Variants in NDFIP2 observed in about 807,000 individuals in gnomAD.
NDFIP2 encodes NEDD4 family-interacting protein 2.
A neutral mutation model predicts 36.0 loss-of-function variants in NDFIP2; 19 were observed. That is an observed-to-expected ratio of 0.53 (90% CI 0.37 to 0.77). NDFIP2 has a LOEUF of 0.77. NDFIP2 is among the 30% of genes least tolerant of loss of function. NDFIP2 has a pLI of 0.00. For synonymous variants in NDFIP2, 181 were observed against 167.7 expected (o/e 1.08, Z -0.61); for missense variants, 446 against 435.8 (o/e 1.02, Z -0.21).
chr13:79,500,094 G>A (rs1420380913), intron 1 of NDFIP2, among the ~76,000 whole-genome samples: 1 of 150,942 alleles, frequency 6.6e-6, no homozygotes, highest in Non-Finnish European at 1.5e-5. Flanking sequence ...TTTTAACAAA[G>A]GAGTAAAGGC....
In NDFIP2 at chr13:79,518,148, C is replaced by T. The variant is rs76123456; in HGVS notation, c.322-2662C>T. Reference sequence around the variant, plus strand: ...CCATGTAGTAGGAAGACATGGGAGACGGATGGTAATACCAAGTGCAACATG... The same window carrying T: ...CCATGTAGTAGGAAGACATGGGAGATGGATGGTAATACCAAGTGCAACATG... On this transcript the variant is annotated intron_variant, in intron 1 of 7. Coordinates refer to ENST00000218652, the MANE Select transcript of NDFIP2 (RefSeq NM_019080.3). Among the ~76,000 whole-genome samples the T allele has an allele frequency of 6.5e-3, 983 of 152,200 alleles. 13 individuals carry two copies. Among genetic ancestry groups the T allele is most frequent in the African/African-American group, 0.022 (933 of 41,538 alleles).
At chr13:79,526,067 A>G (rs1355816048) in intron 2 of NDFIP2, among the ~76,000 whole-genome samples, 2 of 152,210 alleles carry the variant, frequency 1.3e-5, no homozygotes, top group Non-Finnish European at 2.9e-5. Context: ...TGGAGCTGCT[A>G]AAACTTCAGA....
chr13:79,519,656 G>A (rs73551599), intron 1 of NDFIP2, among the ~76,000 whole-genome samples: 4,649 of 152,258 alleles, frequency 0.031, 247 homozygotes, highest in African/African-American at 0.11. Context: ...AGGTTGTTGT[G>A]GAGATTCAGT....
intron 1 of NDFIP2, among the ~76,000 whole-genome samples, chr13:79,491,985 T>A (rs557256536): frequency 2.6e-5 from 4 of 152,348 alleles, no homozygotes; most frequent in African/African-American, 9.6e-5. Flanking sequence ...CTTTTAAGAT[T>A]TGTTTGAACA....
At chr13:79,512,216 A>G (rs1874105853) in intron 1 of NDFIP2, among the ~76,000 whole-genome samples, 1 of 152,224 alleles carries the variant, frequency 6.6e-6, no homozygotes, top group South Asian at 2.1e-4. Flanking sequence ...TTATCATTAT[A>G]TTGTCAATGC....
intron 4 of NDFIP2, among the ~76,000 whole-genome samples, chr13:79,540,195 T>C (rs1302891076): frequency 6.6e-6 from 1 of 152,222 alleles, no homozygotes; most frequent in African/African-American, 2.4e-5. Context: ...ACAGATATTC[T>C]GGGCAACTGG....
intron 1 of NDFIP2, among the ~76,000 whole-genome samples, chr13:79,500,938 A>G (rs1873642699): frequency 6.6e-6 from 1 of 152,118 alleles, no homozygotes; most frequent in South Asian, 2.1e-4. Context: ...TGAATAGGTG[A>G]ATGGATAAAC....
chr13:79,502,151 A>G (rs1379176472), intron 1 of NDFIP2, among the ~76,000 whole-genome samples: 1 of 152,168 alleles, frequency 6.6e-6, no homozygotes, highest in Non-Finnish European at 1.5e-5. Context: ...AGGCGTAAAG[A>G]GATTAATAAC....
At chr13:79,533,859 C>T (rs1237876792) in intron 3 of NDFIP2, among the ~76,000 whole-genome samples, 1 of 152,104 alleles carries the variant, frequency 6.6e-6, no homozygotes, top group Non-Finnish European at 1.5e-5. Context: ...AAATTTTCTA[C>T]CGCATGCAGG....
rs1250596136 is a variant in NDFIP2, at chr13:79,507,563, C to T, written c.322-13247C>T. On this transcript the variant is annotated intron_variant, in intron 1 of 7. Coordinates refer to ENST00000218652, the MANE Select transcript of NDFIP2 (RefSeq NM_019080.3). ...TGCTGGGATTACAGGCGTGAGCCAC[C>T]GCGCCCGGCCTCTGATTGAGTTTTT... Among the ~76,000 whole-genome samples, 10 of 18,348 alleles carry T rather than the reference C, an allele frequency of 5.5e-4. 4 individuals carry two copies. The allele number at this position is 18,348 out of a possible 152,430, so 12.0% of individuals were successfully genotyped here.
At chr13:79,512,126 C>T (rs1016350830) in intron 1 of NDFIP2, among the ~76,000 whole-genome samples, 1 of 152,126 alleles carries the variant, frequency 6.6e-6, no homozygotes, top group African/African-American at 2.4e-5. Context: ...ACATGCAAAT[C>T]AGAAACTTTC....
chr13:79,550,119 C>A (rs1308216281), intron 6 of NDFIP2, among the ~76,000 whole-genome samples: 2 of 151,664 alleles, frequency 1.3e-5, no homozygotes, highest in African/African-American at 4.8e-5. Flanking sequence ...TGGATCCCCC[C>A]CACCCTGTTT....
In NDFIP2 at chr13:79,535,165, A is replaced by G. The variant is rs755348261; in HGVS notation, c.621+1709A>G. ...AGAACACATATATTTGTAAATGAAC[A>G]TGCACATCTCTCAGTGAAGTAGATT... On this transcript the variant is annotated intron_variant, in intron 3 of 7. Coordinates refer to ENST00000218652, the MANE Select transcript of NDFIP2 (RefSeq NM_019080.3). Among the ~76,000 whole-genome samples the G allele has an allele frequency of 3.3e-5, 5 of 152,212 alleles. No individual in the cohort carries two copies. In the South Asian group the frequency reaches 6.2e-4, roughly 19 times the overall value.
intron 3 of NDFIP2, 41 bp downstream of exon 3, chr13:79,533,497 G>A (rs372910231): frequency 8.6e-5 from 132 of 1,534,744 alleles, no homozygotes; most frequent in Admixed American, 4.0e-4. Context: ...AATTATTTTC[G>A]TTAATTGATA....
intron 1 of NDFIP2, among the ~76,000 whole-genome samples, chr13:79,484,792 A>G (rs1484609454): frequency 6.6e-6 from 1 of 152,212 alleles, no homozygotes; most frequent in Non-Finnish European, 1.5e-5. Flanking sequence ...TTTTAAAGCC[A>G]TCTGGGCTTA....
chr13:79,532,438 C>T (rs1037383868), intron 2 of NDFIP2, among the ~76,000 whole-genome samples: 2 of 152,146 alleles, frequency 1.3e-5, no homozygotes, highest in Non-Finnish European at 2.9e-5. Context: ...GTCAGTGACT[C>T]TAGCATAAGT....
At position 79,543,545 on chromosome 13, in the gene NDFIP2, C is replaced by A; in HGVS notation, c.716-13C>A. 6.2e-7 allele frequency: 1 copy of A among 1,613,004 alleles called. No homozygotes were observed. The highest frequency in any genetic ancestry group is 8.5e-7 in the Non-Finnish European group (1 of 1,179,498). ...ATTGTGGTTTATAAAAGAACGGTTT[C>A]TGTTGCTTTTAGTGGCATTTATTTT... On this transcript the variant is annotated splice_polypyrimidine_tract_variant and intron_variant, in intron 4 of 7. Coordinates refer to ENST00000218652, the MANE Select transcript of NDFIP2 (RefSeq NM_019080.3).
At chr13:79,532,438 C>G (rs1037383868) in intron 2 of NDFIP2, among the ~76,000 whole-genome samples, 5 of 152,146 alleles carry the variant, frequency 3.3e-5, no homozygotes, top group African/African-American at 1.2e-4. Flanking sequence ...GTCAGTGACT[C>G]TAGCATAAGT....
chr13:79,493,908 A>C (rs1412558520), intron 1 of NDFIP2, among the ~76,000 whole-genome samples: 2 of 152,070 alleles, frequency 1.3e-5, no homozygotes, highest in Non-Finnish European at 1.5e-5. Context: ...CAAATAGTAC[A>C]TGTCCACTTT....
Sources: gnomAD v4.1 joint callset for allele counts (sites outside exome capture counted in the v4.1 genomes callset) on GRCh38, gnomAD v4.1.1 for gene constraint, MANE v1.5 for transcripts, NCBI Gene and HGNC (gene_info 2026-07-23, HGNC 2026-07-21) for gene names.